The following UVSSA variants were observed in gnomAD, a reference collection of about 807,000 sequenced individuals.
The protein encoded by UVSSA is UV stimulated scaffold protein A.
In UVSSA, 72 loss-of-function variants were observed where a neutral mutation model predicts 73.9. The ratio of observed to expected loss-of-function variants is 0.97; its 90% confidence interval spans 0.81 to 1.19. The LOEUF (loss-of-function observed/expected upper bound fraction) is 1.19. Ranked by LOEUF, UVSSA falls within the 50% of genes most tolerant of loss-of-function variation. The pLI is 0.00. For missense variants in UVSSA, 1,150 were observed against 965.0 expected (o/e 1.19, Z -2.54); for synonymous variants, 454 against 391.3 (o/e 1.16, Z -1.89).
chr4:1,355,955 C>T (rs1047944433), intron 7 of UVSSA, among the ~76,000 whole-genome samples: 1 of 152,092 alleles, frequency 6.6e-6, no homozygotes, highest in Admixed American at 6.5e-5. Context: ...ATCTGGGCCT[C>T]GGTGCCTGGA....
chr4:1,362,297 G>A (rs1261867416), intron 7 of UVSSA, among the ~76,000 whole-genome samples: 3 of 152,160 alleles, frequency 2.0e-5, no homozygotes, highest in Non-Finnish European at 2.9e-5. Context: ...TCTCCATGTC[G>A]AGGGGTCTAT....
In UVSSA at chr4:1,383,832, G is replaced by A; in HGVS notation, c.1928G>A (p.Arg643Lys). Residue 643 changes from arginine (R) to lysine (K), a missense_variant, in exon 13 of 14, where the codon AGG becomes AAG. Arg to Lys is a conservative substitution (Grantham distance 26). Transcript: ENST00000389851. The stretch of plus-strand genomic sequence containing the variant: ...ACAGGGCAGGATCTCGGCTCATCCA[G>A]GTACAGCGGGAAAGGCAGGGGGAAG... ...AATGQDLGSSRYSGKGRGKKR... is the reference protein window; with the variant it reads ...AATGQDLGSSKYSGKGRGKKR... 1 of 1,613,478 alleles carries A rather than the reference G, an allele frequency of 6.2e-7. No homozygotes were observed. Among genetic ancestry groups the A allele is most frequent in the Non-Finnish European group, 8.5e-7 (1 of 1,179,998 alleles).
In UVSSA at chr4:1,386,091, G is replaced by GT; in HGVS notation, c.*131dup. On this transcript the variant is annotated 3_prime_UTR_variant, in exon 14 of 14. Transcript: ENST00000389851. Reference sequence around the variant, plus strand: ...ACTGTGTTTGATGTAAAGAAATGGTGTGTTGCAATGCCCTGAAGGTACGGC... The same window carrying GT: ...ACTGTGTTTGATGTAAAGAAATGGTGTTGTTGCAATGCCCTGAAGGTACGGC... The GT allele has an allele frequency of 1.0e-6, 1 of 966,398 alleles. No individual in the cohort carries two copies. The highest frequency in any genetic ancestry group is 1.6e-6 in the Non-Finnish European group (1 of 628,914). The allele number at this position is 966,398 out of a possible 1,614,324, so 59.9% of individuals were successfully genotyped here.
In UVSSA at chr4:1,387,060, A is replaced by G. The variant is rs4974559; in HGVS notation, c.*1099A>G. 46,825 of 150,348 alleles carry G rather than the reference A, an allele frequency of 0.31. 9,402 individuals are homozygous for G. Among genetic ancestry groups the G allele is most frequent in the East Asian group, 0.67 (3,416 of 5,136 alleles). 9.3% of individuals were successfully genotyped at this position (150,348 alleles called of 1,614,324 possible). A position where few individuals can be genotyped will look rare whatever the true frequency, so the allele number is the denominator to read the frequency against. ...ACTGTGGATACTAGATCCTCATGTG[A>G]TTTGCAAAAACTTTATTTATTTATT... On this transcript the variant is annotated 3_prime_UTR_variant, in exon 14 of 14. Transcript: ENST00000389851.
intron 10 of UVSSA, among the ~76,000 whole-genome samples, chr4:1,379,221 C>T (rs1282182970): frequency 6.6e-6 from 1 of 152,242 alleles, no homozygotes; most frequent in Non-Finnish European, 1.5e-5. Flanking sequence ...GCCCATCTGT[C>T]CTCCCCAGCT....
chr4:1,360,020 C>T (rs1026360570), intron 7 of UVSSA, among the ~76,000 whole-genome samples: 1 of 152,250 alleles, frequency 6.6e-6, no homozygotes, highest in Non-Finnish European at 1.5e-5. Flanking sequence ...AACGTGGACC[C>T]ACCAGGCACA....
In UVSSA at chr4:1,355,257, G is replaced by A; in HGVS notation, c.1176+12G>A. The A allele has an allele frequency of 6.2e-7, 1 of 1,603,726 alleles. No individual in the cohort carries two copies. The highest frequency in any genetic ancestry group is 8.5e-7 in the Non-Finnish European group (1 of 1,175,740). On this transcript the variant is annotated intron_variant, in intron 7 of 13. Transcript: ENST00000389851. ...GGGAAAGGCGCAGGGTGAGTGGGCA[G>A]GCGGCGAGCGGGAAGGGGTCCCAGA...
intron 10 of UVSSA, 58 bp downstream of exon 10, chr4:1,376,226 G>A: frequency 6.5e-7 from 1 of 1,534,398 alleles, no homozygotes; most frequent in Non-Finnish European, 8.8e-7. Flanking sequence ...CCAGCCTGAG[G>A]AGGGGGCTGC....
At chr4:1,344,330 C>T (rs149275073), upstream of UVSSA, among the ~76,000 whole-genome samples, 1,017 of 152,264 alleles carry the variant, frequency 6.7e-3, 10 homozygotes, top group African/African-American at 0.023. Context: ...GTGGGCAGAT[C>T]ACTTGAGGCC....
chr4:1,351,961 A>G (rs1257221791), intron 4 of UVSSA, 126 bp downstream of exon 4: 7 of 1,444,826 alleles, frequency 4.8e-6, no homozygotes, highest in Non-Finnish European at 6.5e-6. Context: ...CTAGGTGGAG[A>G]GGATTCAGGT....
chr4:1,349,700 G>C lies in UVSSA; in HGVS notation c.275G>C (p.Gly92Ala). 6.2e-7 allele frequency: 1 copy of C among 1,614,000 alleles called. No homozygotes were observed. The highest frequency in any genetic ancestry group is 8.5e-7 in the Non-Finnish European group (1 of 1,179,972). Residue 92 changes from glycine to alanine, a missense_variant, in exon 3 of 14, where the codon GGC becomes GCC. Gly to Ala is a moderately conservative substitution (Grantham distance 60). Coordinates refer to ENST00000389851, the MANE Select transcript of UVSSA (RefSeq NM_020894.4). ...NFQEFLELTL[G>A]TDPAQPLPPP... ...CAGGAGTTCCTGGAGCTCACGCTGG[G>C]CACAGACCCCGCACAGCCTCTGCCG... is the stretch of plus-strand genomic sequence containing the variant.
At chr4:1,356,574 G>A (rs1333609911) in intron 7 of UVSSA, 2 of 152,284 alleles carry the variant, frequency 1.3e-5, no homozygotes, top group Non-Finnish European at 2.9e-5. Flanking sequence ...CAATGCGAAA[G>A]GATGCTGGTC....
chr4:1,395,706 A>G (rs1274429865), exon 14 of UVSSA: 1 of 1,613,798 alleles, frequency 6.2e-7, no homozygotes, highest in African/African-American at 1.3e-5. Flanking sequence ...CTGCTCACAC[A>G]AAGCCCTGGC....
At chr4:1,391,153 G>A (rs1720405685), downstream of UVSSA, 1 of 150,598 alleles carries the variant, frequency 6.6e-6, no homozygotes, top group African/African-American at 2.5e-5. Flanking sequence ...GGGTCTGATT[G>A]GTTTCTAGTG....
upstream of UVSSA, among the ~76,000 whole-genome samples, chr4:1,342,742 T>TTTCTTATCCC (rs1454058464): frequency 6.6e-6 from 1 of 152,226 alleles, no homozygotes; most frequent in Non-Finnish European, 1.5e-5. Flanking sequence ...TAAAAAGACC[T>TTTCTTATCCC]TTCTTATCCC....
At chr4:1,359,796 G>C (rs1475293603) in intron 7 of UVSSA, among the ~76,000 whole-genome samples, 2 of 152,144 alleles carry the variant, frequency 1.3e-5, no homozygotes, top group Non-Finnish European at 2.9e-5. Flanking sequence ...TCTGATCTTT[G>C]GAGTTAGATG....
intron 13 of UVSSA, 76 bp downstream of exon 13, chr4:1,384,016 G>A (rs796697305): frequency 1.7e-5 from 25 of 1,472,592 alleles, no homozygotes; most frequent in South Asian, 1.4e-4. Flanking sequence ...CCATCTGAGC[G>A]CCAAGATATT....
chr4:1,363,738 G>A (rs780135707), intron 7 of UVSSA, among the ~76,000 whole-genome samples: 110 of 152,170 alleles, frequency 7.2e-4, no homozygotes, highest in Non-Finnish European at 9.1e-4. Context: ...TGCTCAGCGC[G>A]GGAGTTAAGT....
rs940996021 is a variant in UVSSA at position 1,385,902 on chromosome 4, C to A, written c.2071C>A (p.Arg691=). 2.5e-6 allele frequency: 4 copies of A among 1,613,910 alleles called. No homozygotes were observed. In the South Asian group the frequency reaches 4.4e-5, roughly 18 times the overall value. Residue 691 remains arginine (R), a synonymous_variant, in exon 14 of 14, where the codon CGG becomes AGG. Transcript: ENST00000389851. ...AVRRVVAAMN[R]MDQKKHEKFS... ...GCGGAGGGTAGTGGCAGCCATGAAC[C>A]GGATGGACCAGAAGAAGCACGAGAA...
Sources: allele counts gnomAD v4.1 joint callset (sites outside exome capture counted in the v4.1 genomes callset), GRCh38; gene constraint gnomAD v4.1.1; transcripts MANE v1.5; gene names NCBI Gene and HGNC (gene_info 2026-07-23, HGNC 2026-07-21).